Variants in MAGI3 observed in about 807,000 individuals in gnomAD.
The protein encoded by MAGI3 is membrane associated guanylate kinase, WW and PDZ domain containing 3, also known as membrane-associated guanylate kinase, WW and PDZ domain-containing protein 3.
MAGI3 carries 43 observed loss-of-function variants against 121.8 expected under a neutral mutation model. That is an observed-to-expected ratio of 0.35 (90% confidence interval 0.28 to 0.46). MAGI3 has a LOEUF of 0.46. Ranked by LOEUF, MAGI3 falls within the 20% of genes least tolerant of loss-of-function variation. MAGI3 has a pLI of 1.00. For missense variants in MAGI3, 1,547 were observed against 1,797.3 expected (o/e 0.86, Z 2.52); for synonymous variants, 553 against 639.3 (o/e 0.86, Z 2.04).
At chr1:113,582,885 A>G (rs1396441141) in intron 3 of MAGI3, among the ~76,000 whole-genome samples, 2 of 151,778 alleles carry the variant, frequency 1.3e-5, no homozygotes, top group East Asian at 1.9e-4. Flanking sequence ...AGTAAATTTT[A>G]TATAGATATT....
chr1:113,594,530 G>A lies in MAGI3; in HGVS notation c.988G>A (p.Ala330Thr), dbSNP rs1648879623. Residue 330 changes from alanine to threonine, a missense_variant, in exon 6 of 21, where the codon GCC becomes ACC. By Grantham distance (58) the Ala-to-Thr change is moderately conservative. Transcript: ENST00000307546. ...TWLDPRLCKK[A>T]KAPEDCEDGE... ...GTTGGATCCTCGTCTTTGTAAGAAA[G>A]CCAAAGCCCCTGAAGACTGTGAAGA... 1 of 1,613,470 alleles carries A rather than the reference G, an allele frequency of 6.2e-7. No homozygotes were observed. Among genetic ancestry groups the A allele is most frequent in the South Asian group, 1.1e-5 (1 of 90,948 alleles).
chr1:113,536,137 G>A (rs1161634504), intron 1 of MAGI3, among the ~76,000 whole-genome samples: 1 of 119,514 alleles, frequency 8.4e-6, no homozygotes, highest in African/African-American at 2.6e-5. Context: ...ATTACTAGAA[G>A]ACATGTGTTT....
intron 8 of MAGI3, 37 bp downstream of exon 8, chr1:113,619,867 C>G: frequency 6.8e-7 from 1 of 1,461,764 alleles, no homozygotes; most frequent in East Asian, 2.3e-5. Flanking sequence ...CTAAGAATAA[C>G]TTGTGAAATT....
At chr1:113,495,602 T>C (rs2101589130) in intron 1 of MAGI3, among the ~76,000 whole-genome samples, 1 of 152,308 alleles carries the variant, frequency 6.6e-6, no homozygotes, top group East Asian at 1.9e-4. Flanking sequence ...GTTCGAACTT[T>C]TAACTTCACT....
intron 1 of MAGI3, among the ~76,000 whole-genome samples, chr1:113,461,557 A>G (rs976289676): frequency 4.6e-5 from 7 of 152,224 alleles, no homozygotes; most frequent in African/African-American, 7.2e-5. Context: ...TCCTTGCACC[A>G]TATATAAAAA....
intron 20 of MAGI3, chr1:113,682,690 A>G (rs1353800078): frequency 3.7e-5 from 36 of 978,738 alleles, no homozygotes; most frequent in African/African-American, 5.3e-5. Context: ...TTTTGTGTAT[A>G]TAAACAACCC....
chr1:113,437,558 GTGTT>G (rs1305051995), intron 1 of MAGI3, among the ~76,000 whole-genome samples: 1 of 151,850 alleles, frequency 6.6e-6, no homozygotes, highest in East Asian at 2.0e-4. Context: ...TTATTTAGCT[GTGTT>G]TCCCACTGGC....
At chr1:113,573,204 C>A (rs977622490) in intron 2 of MAGI3, among the ~76,000 whole-genome samples, 5 of 152,224 alleles carry the variant, frequency 3.3e-5, no homozygotes, top group Admixed American at 6.5e-5. Flanking sequence ...GGATTACAGG[C>A]GTGAGCCATT....
chr1:113,599,992 G>A (rs1035133792), intron 6 of MAGI3, among the ~76,000 whole-genome samples: 1 of 152,144 alleles, frequency 6.6e-6, no homozygotes, highest in South Asian at 2.1e-4. Flanking sequence ...CTCAATAGAT[G>A]CAGAAAAGGC....
chr1:113,550,779 GAA>G (rs971369565), intron 2 of MAGI3, among the ~76,000 whole-genome samples: 1 of 148,790 alleles, frequency 6.7e-6, no homozygotes, highest in Non-Finnish European at 1.5e-5. Context: ...AGAAAAAAAC[GAA>G]AAAAAATATA....
At chr1:113,491,935 G>C (rs1175901794) in intron 1 of MAGI3, among the ~76,000 whole-genome samples, 2 of 152,140 alleles carry the variant, frequency 1.3e-5, no homozygotes. Flanking sequence ...AATTCTACCA[G>C]ATGTACAAAG....
chr1:113,584,528 T>C (rs78068549), intron 3 of MAGI3, among the ~76,000 whole-genome samples: 1 of 122,834 alleles, frequency 8.1e-6, no homozygotes, highest in Admixed American at 8.6e-5. Flanking sequence ...TCAGAAAAAC[T>C]TTTAAAAATT....
chr1:113,418,396 C>T (rs1652563500), intron 1 of MAGI3, among the ~76,000 whole-genome samples: 1 of 152,028 alleles, frequency 6.6e-6, no homozygotes, highest in Non-Finnish European at 1.5e-5. Context: ...TTTTGCTTTC[C>T]AGCCATTACT....
At chr1:113,531,984 GTC>G (rs990606742) in intron 1 of MAGI3, among the ~76,000 whole-genome samples, 1 of 152,124 alleles carries the variant, frequency 6.6e-6, no homozygotes, top group Non-Finnish European at 1.5e-5. Flanking sequence ...CAGTTCTTAA[GTC>G]TCTGAATCAC....
chr1:113,578,917 T>C (rs1647829844), intron 2 of MAGI3, among the ~76,000 whole-genome samples: 2 of 151,372 alleles, frequency 1.3e-5, no homozygotes, highest in African/African-American at 2.4e-5. Flanking sequence ...ACATAATCAT[T>C]ATTTTCTCAG....
At chr1:113,581,325 C>T (rs1648009648) in intron 3 of MAGI3, among the ~76,000 whole-genome samples, 1 of 151,984 alleles carries the variant, frequency 6.6e-6, no homozygotes, top group Non-Finnish European at 1.5e-5. Context: ...ATGGTCATGT[C>T]TTTCTTACTT....
At chr1:113,571,878 C>A (rs566660786) in intron 2 of MAGI3, among the ~76,000 whole-genome samples, 2 of 152,088 alleles carry the variant, frequency 1.3e-5, no homozygotes, top group African/African-American at 4.8e-5. Context: ...ATTTGAATAC[C>A]CTTTATTTCT....
chr1:113,573,821 G>A (rs927927699), intron 2 of MAGI3, among the ~76,000 whole-genome samples: 4 of 152,150 alleles, frequency 2.6e-5, no homozygotes, highest in Admixed American at 6.5e-5. Context: ...TATTGTGTGG[G>A]AATCTAAGTC....
chr1:113,664,348 TC>T (rs1304051611), intron 16 of MAGI3, among the ~76,000 whole-genome samples: 1 of 152,246 alleles, frequency 6.6e-6, no homozygotes, highest in Non-Finnish European at 1.5e-5. Context: ...AAATAACCTG[TC>T]CACTTCCCTA....
Sources: allele counts gnomAD v4.1 joint callset (sites outside exome capture counted in the v4.1 genomes callset), GRCh38; gene constraint gnomAD v4.1.1; transcripts MANE v1.5; gene names NCBI Gene and HGNC (gene_info 2026-07-23, HGNC 2026-07-21).